The following AKAP6 variants were observed in gnomAD, a reference collection of about 807,000 sequenced individuals.
The protein encoded by AKAP6 is A-kinase anchoring protein 6.
In AKAP6, 58 loss-of-function variants were observed where a neutral mutation model predicts 188.5. That is an observed-to-expected ratio of 0.31 (90% CI 0.25 to 0.38). AKAP6 has a LOEUF of 0.38. Among genes scored for constraint, AKAP6 ranks in the 10% least tolerant of loss-of-function variants. The pLI, the probability that AKAP6 is intolerant of heterozygous loss-of-function variation, is 1.00. For missense variants in AKAP6, 2,710 were observed against 2,740.0 expected (o/e 0.99, Z 0.24); for synonymous variants, 989 against 998.6 (o/e 0.99, Z 0.18).
At chr14:32,610,533 G>T (rs1231734857) in intron 7 of AKAP6, among the ~76,000 whole-genome samples, 1 of 151,478 alleles carries the variant, frequency 6.6e-6, no homozygotes, top group Non-Finnish European at 1.5e-5. Flanking sequence ...AGACAGATGT[G>T]CACAAATGTA....
chr14:32,399,027 G>T (rs1171539549), intron 1 of AKAP6, among the ~76,000 whole-genome samples: 1 of 151,372 alleles, frequency 6.6e-6, no homozygotes, highest in African/African-American at 2.4e-5. Flanking sequence ...AATTTCTTTT[G>T]TATTTTAGTA....
At chr14:32,581,984 G>A (rs1244753430) in intron 5 of AKAP6, among the ~76,000 whole-genome samples, 1 of 152,012 alleles carries the variant, frequency 6.6e-6, no homozygotes, top group African/African-American at 2.4e-5. Flanking sequence ...GGAGCATTTA[G>A]TCCATTTACA....
At chr14:32,816,598 G>A (rs2034384673) in intron 12 of AKAP6, among the ~76,000 whole-genome samples, 1 of 152,014 alleles carries the variant, frequency 6.6e-6, no homozygotes, top group Non-Finnish European at 1.5e-5. Context: ...AGGGTTACAG[G>A]GTGCCAAGAA....
At chr14:32,591,822 T>G (rs1427269070) in intron 5 of AKAP6, among the ~76,000 whole-genome samples, 1 of 152,240 alleles carries the variant, frequency 6.6e-6, no homozygotes, top group Non-Finnish European at 1.5e-5. Context: ...ATGACAAATG[T>G]AGCCACTTCA....
At chr14:32,827,851 T>C (rs2034712643) in intron 13 of AKAP6, among the ~76,000 whole-genome samples, 1 of 152,208 alleles carries the variant, frequency 6.6e-6, no homozygotes, top group Non-Finnish European at 1.5e-5. Context: ...AACCCTAAAC[T>C]TCAGGCTGGA....
chr14:32,587,408 G>C (rs149539725), intron 5 of AKAP6, among the ~76,000 whole-genome samples: 31 of 152,278 alleles, frequency 2.0e-4, no homozygotes, highest in African/African-American at 6.5e-4. Flanking sequence ...GCATGTAACG[G>C]GTTTCTACTA....
At chr14:32,728,046 GC>G (rs754581996) in intron 9 of AKAP6, among the ~76,000 whole-genome samples, 3 of 152,130 alleles carry the variant, frequency 2.0e-5, no homozygotes, top group African/African-American at 4.8e-5. Context: ...GGACAGCTGA[GC>G]TTGGACCCTG....
chr14:32,702,834 CAG>C (rs1352438141), intron 9 of AKAP6, among the ~76,000 whole-genome samples: 2 of 152,166 alleles, frequency 1.3e-5, no homozygotes, highest in Non-Finnish European at 2.9e-5. Flanking sequence ...TCTTTGCTGA[CAG>C]GAAATCACTG....
chr14:32,564,053 T>C (rs1040908411), intron 4 of AKAP6, among the ~76,000 whole-genome samples: 1 of 152,196 alleles, frequency 6.6e-6, no homozygotes, highest in African/African-American at 2.4e-5. Flanking sequence ...AATTGTATAG[T>C]ATTTGCATAT....
intron 7 of AKAP6, among the ~76,000 whole-genome samples, chr14:32,672,920 G>T (rs1159226197): frequency 6.6e-6 from 1 of 152,182 alleles, no homozygotes; most frequent in Non-Finnish European, 1.5e-5. Context: ...GATAGAGGAA[G>T]ATTAAGGCCA....
At chr14:32,365,999 T>C (rs571208574) in intron 1 of AKAP6, among the ~76,000 whole-genome samples, 1 of 152,246 alleles carries the variant, frequency 6.6e-6, no homozygotes, top group South Asian at 2.1e-4. Flanking sequence ...AACCTCTCTT[T>C]CTCTTTATTA....
chr14:32,614,933 G>A (rs1221066031), intron 7 of AKAP6, among the ~76,000 whole-genome samples: 5 of 151,852 alleles, frequency 3.3e-5, no homozygotes, highest in Non-Finnish European at 1.5e-5. Flanking sequence ...CACTTTGGGA[G>A]GCCAAGGCGG....
At chr14:32,778,001 T>G (rs995283645) in intron 12 of AKAP6, among the ~76,000 whole-genome samples, 1 of 152,138 alleles carries the variant, frequency 6.6e-6, no homozygotes, top group African/African-American at 2.4e-5. Context: ...TTTGTGCCAC[T>G]GCACTCTAGC....
intron 8 of AKAP6, among the ~76,000 whole-genome samples, chr14:32,688,822 G>A (rs538505293): frequency 3.5e-4 from 53 of 152,232 alleles, no homozygotes; most frequent in African/African-American, 1.2e-3. Flanking sequence ...CTCTGGGTAG[G>A]GTCAGCCTGA....
chr14:32,551,489 T>C (rs983699921), intron 4 of AKAP6, among the ~76,000 whole-genome samples: 1 of 150,524 alleles, frequency 6.6e-6, no homozygotes, highest in African/African-American at 2.4e-5. Context: ...GGAGAATTGC[T>C]TGAACCCGGG....
At chr14:32,781,584 C>G (rs994756410) in intron 12 of AKAP6, among the ~76,000 whole-genome samples, 5 of 151,922 alleles carry the variant, frequency 3.3e-5, no homozygotes, top group Non-Finnish European at 7.4e-5. Flanking sequence ...AAGCATTACC[C>G]AGATGTCAAA....
chr14:32,693,975 A>G (rs945944389), intron 8 of AKAP6, among the ~76,000 whole-genome samples: 3 of 152,138 alleles, frequency 2.0e-5, no homozygotes, highest in African/African-American at 7.2e-5. Context: ...TGTCTCTTTT[A>G]TAGTGGTCGG....
intron 1 of AKAP6, among the ~76,000 whole-genome samples, chr14:32,352,111 G>GTGTT (rs1555320192): frequency 1.3e-4 from 19 of 141,212 alleles, no homozygotes; most frequent in African/African-American, 4.8e-4. Flanking sequence ...GTTTGTGTGT[G>GTGTT]TGTGTGTGTG....
intron 7 of AKAP6, among the ~76,000 whole-genome samples, chr14:32,648,668 A>G (rs1334227075): frequency 1.3e-5 from 2 of 152,178 alleles, no homozygotes; most frequent in Admixed American, 1.3e-4. Flanking sequence ...CAGTGTAAAC[A>G]TTATGAAATC....
Sources: allele counts gnomAD v4.1 joint callset (sites outside exome capture counted in the v4.1 genomes callset), GRCh38; gene constraint gnomAD v4.1.1; transcripts MANE v1.5; gene names NCBI Gene and HGNC (gene_info 2026-07-23, HGNC 2026-07-21).